Variants in MYO1E observed in about 807,000 individuals in gnomAD.
The protein encoded by MYO1E is myosin IE, also known as unconventional myosin-Ie.
MYO1E carries 68 observed loss-of-function variants against 151.1 expected under a neutral mutation model. The observed-to-expected ratio is 0.45, with a 90% confidence interval of 0.37 to 0.55. The LOEUF (loss-of-function observed/expected upper bound fraction) is 0.55. Ranked by LOEUF, MYO1E falls within the 20% of genes least tolerant of loss-of-function variation. The pLI is 0.00. For synonymous variants in MYO1E, 601 were observed against 501.7 expected, an observed-to-expected ratio of 1.20 and a Z score of -2.64; for missense variants, 1,363 against 1,389.3, an observed-to-expected ratio of 0.98 and a Z score of 0.30.
intron 26 of MYO1E, among the ~76,000 whole-genome samples, chr15:59,150,271 A>G (rs1292660372): frequency 6.6e-6 from 1 of 152,232 alleles, no homozygotes; most frequent in Non-Finnish European, 1.5e-5. Flanking sequence ...GCCTGCCTCC[A>G]AGACAGCACC....
intron 1 of MYO1E, among the ~76,000 whole-genome samples, chr15:59,357,195 C>T (rs1161614476): frequency 1.3e-5 from 2 of 151,924 alleles, no homozygotes; most frequent in Non-Finnish European, 2.9e-5. Context: ...TGTGAGCCAC[C>T]GTGCCTGGTC....
chr15:59,217,621 G>T (rs1306396433), intron 10 of MYO1E, among the ~76,000 whole-genome samples: 1 of 130,596 alleles, frequency 7.7e-6, no homozygotes, highest in Non-Finnish European at 1.6e-5. Context: ...GACCTCCCAG[G>T]CTCAAGTGAT....
intron 4 of MYO1E, among the ~76,000 whole-genome samples, chr15:59,245,222 T>C (rs938507739): frequency 3.3e-5 from 5 of 152,192 alleles, no homozygotes; most frequent in Middle Eastern, 3.2e-3. Context: ...GGAAGATAGC[T>C]TGAGAATCCG....
intron 1 of MYO1E, among the ~76,000 whole-genome samples, chr15:59,369,846 G>A (rs2080934729): frequency 6.6e-6 from 1 of 152,076 alleles, no homozygotes; most frequent in South Asian, 2.1e-4. Flanking sequence ...GGTACAGATG[G>A]AGAGCCCTCC....
intron 3 of MYO1E, among the ~76,000 whole-genome samples, chr15:59,260,073 TA>T (rs1476395564): frequency 6.6e-6 from 1 of 152,256 alleles, no homozygotes; most frequent in Non-Finnish European, 1.5e-5. Context: ...AAATTGAGCA[TA>T]TTTTTTAGAA....
chr15:59,333,524 G>A (rs77176155), intron 1 of MYO1E, among the ~76,000 whole-genome samples: 2 of 152,276 alleles, frequency 1.3e-5, no homozygotes, highest in South Asian at 4.1e-4. Context: ...CTATAGGTGA[G>A]AGCGAGGTAT....
At chr15:59,239,239 TA>T (rs200380067) in intron 4 of MYO1E, among the ~76,000 whole-genome samples, 4,765 of 146,890 alleles carry the variant, frequency 0.032, 111 homozygotes, top group East Asian at 0.071. Context: ...TTTTATTTTT[TA>T]AAATTTGTGT....
intron 12 of MYO1E, among the ~76,000 whole-genome samples, chr15:59,213,955 G>A (rs889873708): frequency 2.0e-5 from 3 of 152,166 alleles, no homozygotes; most frequent in Non-Finnish European, 2.9e-5. Context: ...CATTTCCCAC[G>A]TGCTCAATGA....
rs62002509 is a variant in MYO1E, at chr15:59,354,475, C to A, written c.3+18023G>T. Among the ~76,000 whole-genome samples the A allele has an allele frequency of 4.8e-3, 731 of 152,280 alleles. 3 individuals carry two copies. The highest frequency in any genetic ancestry group is 7.8e-3 in the Non-Finnish European group (533 of 68,018). ...AGCAAAAGCAGCCTAACCACTCCCC[C>A]ACAAACGTCAGAAAAGCCCTCGCTT... is the stretch of plus-strand genomic sequence containing the variant. On this transcript the variant is annotated intron_variant, in intron 1 of 27. Transcript: ENST00000288235.
chr15:59,272,171 T>C, intron 2 of MYO1E, 135 bp downstream of exon 2: 2 of 956,640 alleles, frequency 2.1e-6, no homozygotes, highest in Non-Finnish European at 3.4e-6. Flanking sequence ...GCCAGGATGG[T>C]CTGGAACTCC....
chr15:59,143,625 C>G (rs1192452876), intron 26 of MYO1E, among the ~76,000 whole-genome samples: 2 of 152,188 alleles, frequency 1.3e-5, no homozygotes, highest in African/African-American at 2.4e-5. Flanking sequence ...CTCAACTCAG[C>G]CAGGCCTTGT....
In MYO1E at chr15:59,372,640, C is replaced by G. The variant is rs2080954974; in HGVS notation, c.-140G>C. 1.9e-6 allele frequency: 2 copies of G among 1,072,806 alleles called. No individual in the cohort carries two copies. The highest frequency in any genetic ancestry group is 2.3e-5 in the Admixed American group (1 of 42,592). 66.5% of individuals were successfully genotyped at this position (1,072,806 alleles called of 1,614,324 possible). On this transcript the variant is annotated 5_prime_UTR_variant, in exon 1 of 28. Transcript: ENST00000288235. The stretch of plus-strand genomic sequence containing the variant: ...CCCGACACCCAAGCACTCACAGGAG[C>G]CAATGGGAACCCAGAGGGGACTCCA...
chr15:59,184,360 C>G (rs2079682940), intron 18 of MYO1E, among the ~76,000 whole-genome samples: 1 of 151,242 alleles, frequency 6.6e-6, no homozygotes, highest in Non-Finnish European at 1.5e-5. Context: ...ATGTGTAACA[C>G]ATTTTCTTTT....
intron 26 of MYO1E, among the ~76,000 whole-genome samples, chr15:59,139,029 C>G (rs1218644409): frequency 6.6e-6 from 1 of 152,078 alleles, no homozygotes; most frequent in East Asian, 1.9e-4. Context: ...GTTTACTTCT[C>G]CAGGGCACTG....
At chr15:59,309,449 T>C (rs1392657606) in intron 1 of MYO1E, among the ~76,000 whole-genome samples, 3 of 152,188 alleles carry the variant, frequency 2.0e-5, no homozygotes, top group South Asian at 2.1e-4. Context: ...ACTAAACAGA[T>C]GCAAAAACTG....
chr15:59,246,050 G>T (rs1219078003), intron 4 of MYO1E, among the ~76,000 whole-genome samples: 4 of 152,058 alleles, frequency 2.6e-5, no homozygotes, highest in African/African-American at 4.8e-5. Flanking sequence ...TCATTTACTG[G>T]GCTCACAGGT....
intron 26 of MYO1E, among the ~76,000 whole-genome samples, chr15:59,147,725 T>C (rs1381315359): frequency 6.6e-6 from 1 of 152,144 alleles, no homozygotes; most frequent in African/African-American, 2.4e-5. Flanking sequence ...CTAGTGATTA[T>C]TACCATTACT....
At chr15:59,360,587 T>C (rs1438980750) in intron 1 of MYO1E, among the ~76,000 whole-genome samples, 1 of 152,218 alleles carries the variant, frequency 6.6e-6, no homozygotes, top group Non-Finnish European at 1.5e-5. Flanking sequence ...TAAAGCACCC[T>C]TTAGCAGATA....
intron 21 of MYO1E, among the ~76,000 whole-genome samples, chr15:59,172,405 G>C (rs1204810801): frequency 6.6e-6 from 1 of 152,200 alleles, no homozygotes; most frequent in African/African-American, 2.4e-5. Flanking sequence ...AATTCACACA[G>C]TGGACTGCTG....
Sources: allele counts gnomAD v4.1 joint callset (sites outside exome capture counted in the v4.1 genomes callset), GRCh38; gene constraint gnomAD v4.1.1; transcripts MANE v1.5; gene names NCBI Gene and HGNC (gene_info 2026-07-23, HGNC 2026-07-21).